The following QTGAL variants were observed in gnomAD, a reference collection of about 807,000 sequenced individuals.
QTGAL encodes queuosine-tRNA galactosyltransferase, also known as BGnT-like protein 1.
At chr17:82,995,222 AT>A in the QTGAL span, among the ~76,000 whole-genome samples, 1 of 152,168 alleles carries the variant, frequency 6.6e-6, no homozygotes, top group Non-Finnish European at 1.5e-5. Context: ...GGGCATCCAA[AT>A]TGGAAAGGAA....
chr17:82,968,312 C>T, the QTGAL span, among the ~76,000 whole-genome samples: 30 of 152,026 alleles, frequency 2.0e-4, no homozygotes, highest in African/African-American at 7.0e-4. Context: ...GCCCGTACCA[C>T]GAGTCCAGTG....
the QTGAL span, among the ~76,000 whole-genome samples, chr17:83,037,006 G>A: frequency 6.6e-6 from 1 of 152,162 alleles, no homozygotes; most frequent in Non-Finnish European, 1.5e-5. The surrounding 1 kb of genome is among the most constrained non-coding windows in gnomAD (Gnocchi z 5.2). Flanking sequence ...CCAAGGGGCA[G>A]GATACCCACT....
the QTGAL span, among the ~76,000 whole-genome samples, chr17:82,977,197 G>T: frequency 6.6e-6 from 1 of 152,264 alleles, no homozygotes; most frequent in South Asian, 2.1e-4. Context: ...CCCATGAACG[G>T]AGGCCCGAAA....
chr17:83,006,973 G>T, the QTGAL span: 2 of 434,188 alleles, frequency 4.6e-6, no homozygotes, highest in Non-Finnish European at 6.1e-6. This position sits in a 1 kb window ranked among gnomAD's most constrained non-coding sequence, Gnocchi z 5.8. Flanking sequence ...CAGCTTCTCT[G>T]CCTCTCGCCA....
At chr17:83,028,290 C>T in the QTGAL span, among the ~76,000 whole-genome samples, 3 of 151,360 alleles carry the variant, frequency 2.0e-5, no homozygotes, top group Non-Finnish European at 4.4e-5. Flanking sequence ...TTTGGGAGGC[C>T]GAGGCGGGCG....
At chr17:82,970,632 C>CCTCTGCACATGGTGTGGCCGT in the QTGAL span, among the ~76,000 whole-genome samples, 3 of 29,830 alleles carry the variant, frequency 1.0e-4, no homozygotes, top group Non-Finnish European at 2.0e-4. Context: ...GGCGTGGCCG[C>CCTCTGCACATGGTGTGGCCGT]GACCTCCGCA....
At chr17:82,946,519 G>A in the QTGAL span, among the ~76,000 whole-genome samples, 1 of 149,398 alleles carries the variant, frequency 6.7e-6, no homozygotes, top group Non-Finnish European at 1.5e-5. Flanking sequence ...AGTGTCATAA[G>A]GCACGGTTGA....
chr17:82,950,378 G>A, the QTGAL span, among the ~76,000 whole-genome samples: 1 of 152,332 alleles, frequency 6.6e-6, no homozygotes, highest in African/African-American at 2.4e-5. Flanking sequence ...TTACCACAAG[G>A]AGACGTGGAG....
the QTGAL span, chr17:82,947,016 T>C: frequency 6.5e-7 from 1 of 1,540,526 alleles, no homozygotes; most frequent in Non-Finnish European, 8.8e-7. Context: ...CTCAGTCCGG[T>C]CTCCTGGCTC....
the QTGAL span, chr17:82,978,868 C>CA: frequency 1.3e-5 from 2 of 152,258 alleles, no homozygotes; most frequent in East Asian, 3.9e-4. This position sits in a 1 kb window ranked among gnomAD's most constrained non-coding sequence, Gnocchi z 4.8. Flanking sequence ...CAGCCCCACC[C>CA]ACTTCCCAAT....
the QTGAL span, chr17:82,956,930 A>G: frequency 9.9e-7 from 1 of 1,008,868 alleles, no homozygotes; most frequent in Non-Finnish European, 1.5e-6. This position sits in a 1 kb window ranked among gnomAD's most constrained non-coding sequence, Gnocchi z 5.7. Flanking sequence ...TGTTCAGAGC[A>G]GGAACCCGGC....
At chr17:83,031,696 CT>C in the QTGAL span, among the ~76,000 whole-genome samples, 3 of 152,234 alleles carry the variant, frequency 2.0e-5, no homozygotes, top group Non-Finnish European at 2.9e-5. Context: ...AGGCTCCACT[CT>C]GACTGCAGCA....
chr17:82,945,853 CAGTTGGAT>C, the QTGAL span: 2 of 152,244 alleles, frequency 1.3e-5, no homozygotes, highest in Non-Finnish European at 2.9e-5. Flanking sequence ...GAAATGATCG[CAGTTGGAT>C]AGTTGGAGGA....
the QTGAL span, among the ~76,000 whole-genome samples, chr17:82,992,276 AG>A: frequency 6.6e-6 from 1 of 152,206 alleles, no homozygotes; most frequent in Admixed American, 6.5e-5. Flanking sequence ...CTGAAGGTCA[AG>A]GATAAAGAAA....
chr17:82,943,626 C>T, the QTGAL span: 7 of 152,248 alleles, frequency 4.6e-5, no homozygotes, highest in Admixed American at 4.6e-4. Flanking sequence ...ACCAGGACCA[C>T]AAGACCAGGA....
At chr17:82,995,031 A>C in the QTGAL span, among the ~76,000 whole-genome samples, 1 of 152,234 alleles carries the variant, frequency 6.6e-6, no homozygotes, top group African/African-American at 2.4e-5. Context: ...TATAGAAGGA[A>C]CATCCCTTAA....
the QTGAL span, among the ~76,000 whole-genome samples, chr17:82,986,356 C>A: frequency 6.6e-6 from 1 of 152,224 alleles, no homozygotes; most frequent in Non-Finnish European, 1.5e-5. Context: ...GCTGGAGGCT[C>A]CCGTGCAATG....
chr17:83,045,219 A>G, the QTGAL span, among the ~76,000 whole-genome samples: 1 of 152,256 alleles, frequency 6.6e-6, no homozygotes, highest in Non-Finnish European at 1.5e-5. Flanking sequence ...ACAATGAGGT[A>G]CTGGCGTAAG....
the QTGAL span, among the ~76,000 whole-genome samples, chr17:83,037,662 C>T: frequency 1.5e-4 from 23 of 152,258 alleles, no homozygotes; most frequent in Middle Eastern, 3.4e-3. The surrounding 1 kb of genome is among the most constrained non-coding windows in gnomAD (Gnocchi z 5.2). Context: ...CCTGTGAGGA[C>T]GAAGGGCCGG....
Sources: gnomAD v4.1 joint callset for allele counts (sites outside exome capture counted in the v4.1 genomes callset) on GRCh38, gnomAD v4.1.1 for gene constraint, Gnocchi (gnomAD v3.1) non-coding constraint, MANE v1.5 for transcripts, NCBI Gene and HGNC (gene_info 2026-07-23, HGNC 2026-07-21) for gene names.